The following GALNT5 variants were observed in gnomAD, a reference collection of about 807,000 sequenced individuals.
GALNT5 encodes UDP-GalNAc:polypeptide N-acetylgalactosaminyltransferase 5.
Under a neutral mutation model 85.4 loss-of-function variants are expected in GALNT5, and 72 were observed. The ratio of observed to expected loss-of-function variants is 0.84; its 90% CI spans 0.70 to 1.03. GALNT5 has a LOEUF of 1.03. GALNT5 is among the 50% of genes least tolerant of loss of function. The pLI is 0.00. For synonymous variants in GALNT5, 404 were observed against 397.0 expected (o/e 1.02, Z -0.21); for missense variants, 1,137 against 1,135.5 (o/e 1.00, Z -0.02).
At position 157,312,944 on chromosome 2, in the gene GALNT5, T is replaced by A. The variant is rs1683608259; in HGVS notation, c.*1596T>A. ...GAAACTAGGTATCTTTCATTCTGAC[T>A]CCTAGTTTAACATTTAATTTTGACT... On this transcript the variant is annotated 3_prime_UTR_variant, in exon 10 of 10. Coordinates refer to ENST00000259056, the MANE Select transcript of GALNT5 (RefSeq NM_014568.3). 1 of 152,202 alleles carries A rather than the reference T, an allele frequency of 6.6e-6. No homozygotes were observed. Among genetic ancestry groups the A allele is most frequent in the Non-Finnish European group, 1.5e-5 (1 of 68,012 alleles). 9.4% of individuals were successfully genotyped at this position (152,202 alleles called of 1,614,324 possible).
chr2:157,291,608 A>T (rs184505363), intron 3 of GALNT5, among the ~76,000 whole-genome samples: 1 of 150,326 alleles, frequency 6.7e-6, no homozygotes, highest in African/African-American at 2.4e-5. Flanking sequence ...TTTTTGGCAC[A>T]TTGAACAGTT....
rs1682230616 is a variant in GALNT5, at chr2:157,258,147, C to T, written c.65C>T (p.Ser22Phe). Residue 22 changes from serine (S) to phenylalanine (F), a missense_variant, in exon 1 of 10, where the codon TCT becomes TTT. By Grantham distance (155) the Ser-to-Phe change is radical (BLOSUM62 -2). Transcript: ENST00000259056. Reference sequence around the variant, plus strand: ...GTCTTGGCATTTATCTTTGTAGCTTCTGTCATCTGGCTCCTCTTTGACATG... The same window carrying T: ...GTCTTGGCATTTATCTTTGTAGCTTTTGTCATCTGGCTCCTCTTTGACATG... Reference protein sequence around the residue: ...GRVLAFIFVASVIWLLFDMAA... With the variant: ...GRVLAFIFVAFVIWLLFDMAA... 1.2e-6 allele frequency: 2 copies of T among 1,613,962 alleles called. No individual in the cohort carries two copies. Among genetic ancestry groups the T allele is most frequent in the Non-Finnish European group, 1.7e-6 (2 of 1,179,996 alleles).
rs570301576 is a variant in GALNT5 at position 157,310,733 on chromosome 2, T to C, written c.2683-475T>C. ...TCTGGATTTTGGACATCAGTTATTA[T>C]GAATTGTCAGAGATTATGGTAAGGA... On this transcript the variant is annotated intron_variant, in intron 9 of 9. Transcript: ENST00000259056. Among the ~76,000 whole-genome samples, 6 of 152,312 alleles carry C rather than the reference T, an allele frequency of 3.9e-5. No homozygotes were observed. The East Asian group carries it at 5.8e-4, about 15-fold the overall frequency.
At chr2:157,306,392 C>T (rs1683456566) in intron 8 of GALNT5, among the ~76,000 whole-genome samples, 3 of 152,140 alleles carry the variant, frequency 2.0e-5, no homozygotes, top group Non-Finnish European at 4.4e-5. Context: ...AATCCATGAT[C>T]CATGGTAGAA....
intron 1 of GALNT5, among the ~76,000 whole-genome samples, chr2:157,262,877 G>A (rs1309562694): frequency 1.6e-5 from 2 of 125,578 alleles, no homozygotes; most frequent in African/African-American, 6.5e-5. Context: ...CACCCAGGCT[G>A]AGCGCAGTGG....
At chr2:157,310,379 G>T (rs1023971986) in intron 9 of GALNT5, among the ~76,000 whole-genome samples, 1 of 152,132 alleles carries the variant, frequency 6.6e-6, no homozygotes, top group Non-Finnish European at 1.5e-5. Context: ...AACAAGAGAA[G>T]TATAAAATGA....
chr2:157,292,202 A>G (rs1253547234), intron 3 of GALNT5, among the ~76,000 whole-genome samples: 1 of 152,200 alleles, frequency 6.6e-6, no homozygotes, highest in East Asian at 1.9e-4. Context: ...AGGCTGTTGT[A>G]TGTAACTTTA....
Position 157,300,821 on chromosome 2 carries a change from A to C in GALNT5, c.2261A>C (p.Asp754Ala). 6.2e-7 allele frequency: 1 copy of C among 1,614,086 alleles called. No individual in the cohort carries two copies. The highest frequency in any genetic ancestry group is 8.5e-7 in the Non-Finnish European group (1 of 1,180,000). Residue 754 changes from aspartate (D) to alanine (A), a missense_variant, in exon 7 of 10, where the codon GAT becomes GCT. Physicochemically the swap from Asp to Ala is moderately radical, Grantham distance 126 (BLOSUM62 -2). Transcript: ENST00000259056. ...GTGCGGGTTGCCGAGGTCTGGCTGG[A>C]TGAGTATAAGGAGCTGTTCTATGGC... Reference protein sequence around the residue: ...NLVRVAEVWLDEYKELFYGHG... With the variant: ...NLVRVAEVWLAEYKELFYGHG...
intron 3 of GALNT5, among the ~76,000 whole-genome samples, chr2:157,291,487 T>A (rs1574027153): frequency 6.6e-6 from 1 of 152,076 alleles, no homozygotes; most frequent in East Asian, 1.9e-4. Flanking sequence ...CAAGCCAACA[T>A]CCCTCAAGGA....
At chr2:157,288,750 T>G (rs548533146) in intron 3 of GALNT5, among the ~76,000 whole-genome samples, 59 of 152,242 alleles carry the variant, frequency 3.9e-4, no homozygotes, top group African/African-American at 1.2e-3. Context: ...TTCTGGCCAC[T>G]GTGTAGAGAA....
intron 9 of GALNT5, 127 bp from the exon 10 acceptor site, chr2:157,311,081 G>C: frequency 1.3e-6 from 1 of 749,224 alleles, no homozygotes. Flanking sequence ...TAATAATTTA[G>C]TTCAGAAGAA....
intron 3 of GALNT5, among the ~76,000 whole-genome samples, chr2:157,294,097 G>A (rs766796325): frequency 2.0e-5 from 3 of 152,186 alleles, no homozygotes; most frequent in Non-Finnish European, 4.4e-5. Flanking sequence ...CTTAGATGAT[G>A]GTTGCTCTTA....
At chr2:157,310,493 A>G (rs1574038370) in intron 9 of GALNT5, among the ~76,000 whole-genome samples, 1 of 152,182 alleles carries the variant, frequency 6.6e-6, no homozygotes, top group African/African-American at 2.4e-5. Context: ...AATTATTATG[A>G]AAGTCACCCC....
chr2:157,289,845 G>A (rs896613135), intron 3 of GALNT5, among the ~76,000 whole-genome samples: 6 of 151,986 alleles, frequency 3.9e-5, no homozygotes, highest in African/African-American at 1.5e-4. Flanking sequence ...GCCAAGGCAG[G>A]CAGATCACCT....
chr2:157,312,744 C>T lies in GALNT5; in HGVS notation c.*1396C>T. 1 of 152,124 alleles carries T rather than the reference C, an allele frequency of 6.6e-6. No individual in the cohort carries two copies. Among genetic ancestry groups the T allele is most frequent in the East Asian group, 1.9e-4 (1 of 5,198 alleles). 9.4% of individuals were successfully genotyped at this position (152,124 alleles called of 1,614,324 possible). A position where few individuals can be genotyped will look rare whatever the true frequency, so the allele number is the denominator to read the frequency against. On this transcript the variant is annotated 3_prime_UTR_variant, in exon 10 of 10. Transcript: ENST00000259056. ...AGAATTCAGGTTTCCAGAGACAGGG[C>T]TCATTCTAATGCCTCAGGTCACTGG...
intron 5 of GALNT5, among the ~76,000 whole-genome samples, chr2:157,297,626 G>A (rs952884968): frequency 1.3e-5 from 2 of 152,174 alleles, no homozygotes; most frequent in African/African-American, 4.8e-5. Flanking sequence ...ATGTTAGGAC[G>A]AGAATGCGTT....
intron 8 of GALNT5, among the ~76,000 whole-genome samples, chr2:157,307,418 T>C (rs756858585): frequency 8.5e-5 from 13 of 152,226 alleles, no homozygotes; most frequent in Non-Finnish European, 1.6e-4. Context: ...TATTAACCTT[T>C]AAAGCAGTTG....
At chr2:157,284,543 G>C in intron 2 of GALNT5, 95 bp downstream of exon 2, 1 of 868,130 alleles carries the variant, frequency 1.2e-6, no homozygotes, top group Non-Finnish European at 1.9e-6. Flanking sequence ...AGGATAATTT[G>C]ATGAAGCATA....
At chr2:157,298,158 C>G (rs1354570077) in intron 5 of GALNT5, among the ~76,000 whole-genome samples, 1 of 152,088 alleles carries the variant, frequency 6.6e-6, no homozygotes, top group African/African-American at 2.4e-5. Flanking sequence ...CAATTCATGC[C>G]GACTTCCTAA....
Sources: gnomAD v4.1 joint callset for allele counts (sites outside exome capture counted in the v4.1 genomes callset) on GRCh38, gnomAD v4.1.1 for gene constraint, MANE v1.5 for transcripts, NCBI Gene and HGNC (gene_info 2026-07-23, HGNC 2026-07-21) for gene names.